EPSTI1: variants seen among roughly 807,000 people sequenced by gnomAD.
EPSTI1 encodes the protein epithelial-stromal interaction protein 1.
Under a neutral mutation model 49.9 loss-of-function variants are expected in EPSTI1, and 66 were observed. The observed-to-expected ratio is 1.32, with a 90% CI of 1.08 to 1.62. The LOEUF is 1.62. Among genes scored for constraint, EPSTI1 ranks in the 40% most tolerant of loss-of-function variants. The probability of loss-of-function intolerance (pLI) is 0.00; values close to 1 mark genes in which losing one functional copy is unlikely to be tolerated. For synonymous variants in EPSTI1, 137 were observed against 130.7 expected (o/e 1.05, Z -0.33); for missense variants, 394 against 365.5 (o/e 1.08, Z -0.64).
chr13:42,889,184 T>C, intron 10 of EPSTI1: 1 of 1,554,274 alleles, frequency 6.4e-7, no homozygotes, highest in Admixed American at 2.0e-5. Flanking sequence ...GAAATATTAT[T>C]TAAAGGGATG....
intron 8 of EPSTI1, among the ~76,000 whole-genome samples, chr13:42,908,197 TG>T (rs775454994): frequency 2.6e-5 from 4 of 152,110 alleles, no homozygotes; most frequent in Admixed American, 6.6e-5. Flanking sequence ...GAAGAGAATA[TG>T]GGGGAAGCTG....
At position 42,944,167 on chromosome 13, in the gene EPSTI1, G is replaced by A. The variant is rs569809193; in HGVS notation, c.563+9781C>T. On this transcript the variant is annotated intron_variant, in intron 6 of 10. Coordinates refer to ENST00000313624, the MANE Select transcript of EPSTI1 (RefSeq NM_033255.5). ...CATTTGACCCAGCAGTCCCATTATC[G>A]GGTATATACCCAAAGGATTATAAAT... 3.3e-5 allele frequency among the ~76,000 whole-genome samples: 5 copies of A among 152,210 alleles called. No homozygotes were observed. The East Asian group carries it at 5.8e-4, about 18-fold the overall frequency.
intron 10 of EPSTI1, among the ~76,000 whole-genome samples, chr13:42,890,865 TTTA>T (rs899129260): frequency 1.4e-4 from 22 of 152,106 alleles, no homozygotes; most frequent in African/African-American, 5.1e-4. Flanking sequence ...TTAATGTATT[TTTA>T]TTATTATTAT....
chr13:42,949,143 C>G (rs2039015832), intron 6 of EPSTI1, among the ~76,000 whole-genome samples: 1 of 152,114 alleles, frequency 6.6e-6, no homozygotes, highest in Admixed American at 6.5e-5. Context: ...AATTTTTTAC[C>G]CCAAAATATA....
At chr13:42,959,642 G>T (rs1247353358) in intron 5 of EPSTI1, among the ~76,000 whole-genome samples, 2 of 152,168 alleles carry the variant, frequency 1.3e-5, no homozygotes, top group East Asian at 3.8e-4. Context: ...GCTTCTCAGT[G>T]TCTGCATGAA....
intron 8 of EPSTI1, among the ~76,000 whole-genome samples, chr13:42,902,702 C>T (rs928366788): frequency 1.3e-5 from 2 of 152,142 alleles, no homozygotes; most frequent in African/African-American, 4.8e-5. Context: ...GGTAGGCAGG[C>T]AAACAAAGTA....
intron 8 of EPSTI1, among the ~76,000 whole-genome samples, chr13:42,910,544 G>T (rs183306727): frequency 6.6e-6 from 1 of 152,038 alleles, no homozygotes; most frequent in South Asian, 2.1e-4. Context: ...GTGAGCCACC[G>T]CGCCTGGTCC....
chr13:42,890,915 C>G (rs1449245412), intron 10 of EPSTI1, among the ~76,000 whole-genome samples: 1 of 151,970 alleles, frequency 6.6e-6, no homozygotes, highest in Non-Finnish European at 1.5e-5. Flanking sequence ...AGAAATTTCC[C>G]TTCTATTCCT....
chr13:42,942,658 CTTTTTTTTTT>C (rs1161224574), intron 6 of EPSTI1, among the ~76,000 whole-genome samples: 1 of 64,626 alleles, frequency 1.5e-5, no homozygotes, highest in African/African-American at 6.6e-5. Flanking sequence ...CCTGTTGATT[CTTTTTTTTTT>C]TTTTTTTTTT....
At chr13:42,889,362 A>T (rs1177060009) in intron 10 of EPSTI1, 1 of 659,150 alleles carries the variant, frequency 1.5e-6, no homozygotes, top group African/African-American at 1.9e-5. Context: ...ATAAAAATCA[A>T]TCCACCTAAC....
chr13:42,989,835 C>T (rs1400946857), intron 1 of EPSTI1, among the ~76,000 whole-genome samples: 5 of 151,874 alleles, frequency 3.3e-5, no homozygotes, highest in Middle Eastern at 3.4e-3. Flanking sequence ...CCTCGTGATC[C>T]GCCCTCCTCG....
At chr13:42,898,001 C>T (rs936918254) in intron 9 of EPSTI1, among the ~76,000 whole-genome samples, 1 of 152,204 alleles carries the variant, frequency 6.6e-6, no homozygotes, top group Admixed American at 6.5e-5. Flanking sequence ...GTTTTCACTT[C>T]ATGGCCCAAA....
chr13:42,971,881 T>C (rs1207356126), intron 1 of EPSTI1, among the ~76,000 whole-genome samples: 2 of 152,224 alleles, frequency 1.3e-5, no homozygotes, highest in Non-Finnish European at 2.9e-5. Context: ...ACTTAATGTA[T>C]ATCAGCAGAC....
chr13:42,912,766 C>T (rs1423821690), intron 8 of EPSTI1, among the ~76,000 whole-genome samples: 1 of 150,148 alleles, frequency 6.7e-6, no homozygotes, highest in Non-Finnish European at 1.5e-5. Flanking sequence ...AATGAAAAGT[C>T]AAGAAAAAAT....
intron 6 of EPSTI1, among the ~76,000 whole-genome samples, chr13:42,927,506 TTCA>T (rs2038221803): frequency 6.6e-6 from 1 of 152,192 alleles, no homozygotes; most frequent in Admixed American, 6.5e-5. Flanking sequence ...TAAGATCTGA[TTCA>T]TCAAGTACTT....
At chr13:42,974,064 G>T (rs912690261) in intron 1 of EPSTI1, among the ~76,000 whole-genome samples, 1 of 152,206 alleles carries the variant, frequency 6.6e-6, no homozygotes, top group Non-Finnish European at 1.5e-5. Flanking sequence ...GGCCAAGCGC[G>T]GTGGCTCATG....
intron 1 of EPSTI1, 105 bp downstream of exon 1, chr13:42,991,873 T>G: frequency 8.0e-7 from 1 of 1,249,002 alleles, no homozygotes; most frequent in Non-Finnish European, 1.1e-6. Context: ...AAAATCCCTG[T>G]TGTTGGGCCC....
intron 8 of EPSTI1, among the ~76,000 whole-genome samples, chr13:42,916,795 C>T (rs1057422125): frequency 6.6e-6 from 1 of 152,138 alleles, no homozygotes; most frequent in Non-Finnish European, 1.5e-5. Flanking sequence ...GAGCCCCACC[C>T]CACTCCCTTT....
intron 9 of EPSTI1, among the ~76,000 whole-genome samples, chr13:42,897,546 T>G (rs1286332901): frequency 6.6e-6 from 1 of 152,196 alleles, no homozygotes; most frequent in East Asian, 1.9e-4. Flanking sequence ...TCTTCACCCC[T>G]GAAAACAACA....
Sources: gnomAD v4.1 joint callset for allele counts (sites outside exome capture counted in the v4.1 genomes callset) on GRCh38, gnomAD v4.1.1 for gene constraint, MANE v1.5 for transcripts, NCBI Gene and HGNC (gene_info 2026-07-23, HGNC 2026-07-21) for gene names.